The following TENM2 variants were observed in gnomAD, a reference collection of about 807,000 sequenced individuals.
The protein encoded by TENM2 is teneurin-2.
In TENM2, 52 loss-of-function variants were observed where a neutral mutation model predicts 245.2. The ratio of observed to expected loss-of-function variants is 0.21; its 90% CI spans 0.17 to 0.27. TENM2 has a LOEUF of 0.27. Ranked by LOEUF, TENM2 falls within the 10% of genes least tolerant of loss-of-function variation. TENM2 has a pLI of 1.00. For synonymous variants in TENM2, 1,363 were observed against 1,438.9 expected, an observed-to-expected ratio of 0.95 and a Z score of 1.19; for missense variants, 3,046 against 3,666.8, an observed-to-expected ratio of 0.83 and a Z score of 4.37.
the TENM2 span, among the ~76,000 whole-genome samples, chr5:166,979,873 G>T: frequency 1.3e-5 from 2 of 152,030 alleles, no homozygotes; most frequent in East Asian, 3.9e-4. Context: ...CAATTATAGG[G>T]ATTTTTTTTT....
intron 2 of TENM2, among the ~76,000 whole-genome samples, chr5:167,654,883 G>A (rs1477231491): frequency 6.6e-6 from 1 of 152,088 alleles, no homozygotes; most frequent in Non-Finnish European, 1.5e-5. Flanking sequence ...CAGCACAGAT[G>A]TGCTACTTTT....
the TENM2 span, among the ~76,000 whole-genome samples, chr5:167,193,518 A>G: frequency 0.01 from 1,530 of 152,096 alleles, 9 homozygotes; most frequent in Admixed American, 0.016. Flanking sequence ...GGGTGGGGAC[A>G]TTCTTTTCAA....
At chr5:167,761,503 G>GAA (rs202088422) in intron 2 of TENM2, among the ~76,000 whole-genome samples, 1 of 147,688 alleles carries the variant, frequency 6.8e-6, no homozygotes, top group Non-Finnish European at 1.5e-5. Context: ...ACTGCTATTA[G>GAA]AAAAAAAAAA....
intron 2 of TENM2, among the ~76,000 whole-genome samples, chr5:167,859,195 G>A (rs1436088156): frequency 1.4e-5 from 1 of 71,668 alleles, no homozygotes; most frequent in Non-Finnish European, 2.9e-5. Context: ...GTCTCTGCCC[G>A]GCCGCCCCGT....
At chr5:167,389,575 A>G (rs1330782156) in intron 2 of TENM2, among the ~76,000 whole-genome samples, 1 of 152,134 alleles carries the variant, frequency 6.6e-6, no homozygotes, top group Non-Finnish European at 1.5e-5. Flanking sequence ...ACATTTAACT[A>G]ATTTTTATTT....
intron 2 of TENM2, among the ~76,000 whole-genome samples, chr5:167,463,179 G>T (rs1766431833): frequency 6.6e-6 from 1 of 152,136 alleles, no homozygotes; most frequent in African/African-American, 2.4e-5. Flanking sequence ...TTTCAAAACA[G>T]TGAACAATAA....
At chr5:167,532,676 C>T (rs577695850) in intron 2 of TENM2, among the ~76,000 whole-genome samples, 4 of 151,134 alleles carry the variant, frequency 2.6e-5, no homozygotes, top group East Asian at 2.0e-4. Context: ...ACAGCCAAAC[C>T]GTATCTCCTA....
chr5:168,143,971 T>C (rs2152407617), intron 12 of TENM2, among the ~76,000 whole-genome samples: 1 of 148,688 alleles, frequency 6.7e-6, no homozygotes, highest in African/African-American at 2.5e-5. Context: ...TGCCTCAGCC[T>C]CCCGAGTAGC....
At chr5:167,181,263 G>T in the TENM2 span, among the ~76,000 whole-genome samples, 1 of 152,090 alleles carries the variant, frequency 6.6e-6, no homozygotes, top group African/African-American at 2.4e-5. Context: ...GTTTAAGTTT[G>T]TTATAGAAAC....
chr5:167,819,088 G>A (rs917950600), intron 2 of TENM2, among the ~76,000 whole-genome samples: 2 of 151,982 alleles, frequency 1.3e-5, no homozygotes, highest in African/African-American at 4.8e-5. Context: ...GTGTGTGCGT[G>A]CGCGTTCTCT....
intron 2 of TENM2, among the ~76,000 whole-genome samples, chr5:167,567,394 G>A (rs1201239136): frequency 1.3e-5 from 2 of 152,118 alleles, no homozygotes; most frequent in African/African-American, 4.8e-5. Flanking sequence ...CTTCCACAAT[G>A]TTCTTTCATA....
At chr5:168,039,701 G>A (rs1788016571) in intron 5 of TENM2, among the ~76,000 whole-genome samples, 1 of 152,032 alleles carries the variant, frequency 6.6e-6, no homozygotes, top group African/African-American at 2.4e-5. Flanking sequence ...CCAGTCAGGT[G>A]CATTCCTGGC....
At chr5:167,924,618 A>G (rs1777611377) in intron 3 of TENM2, among the ~76,000 whole-genome samples, 1 of 152,226 alleles carries the variant, frequency 6.6e-6, no homozygotes, top group African/African-American at 2.4e-5. Flanking sequence ...AACATCTGAA[A>G]CTTATTTCCC....
intron 1 of TENM2, among the ~76,000 whole-genome samples, chr5:167,362,815 A>AACCCCATT (rs745413111): frequency 3.9e-5 from 6 of 152,226 alleles, no homozygotes; most frequent in Non-Finnish European, 7.4e-5. Context: ...CTGAAAATAG[A>AACCCCATT]ACCCCATTTC....
At chr5:168,079,920 G>A (rs1791830792) in intron 7 of TENM2, among the ~76,000 whole-genome samples, 1 of 152,096 alleles carries the variant, frequency 6.6e-6, no homozygotes, top group Non-Finnish European at 1.5e-5. Flanking sequence ...GCCAGGCTTT[G>A]GTATCAGGAT....
chr5:168,064,609 G>A (rs572890198), intron 7 of TENM2, among the ~76,000 whole-genome samples: 5 of 152,276 alleles, frequency 3.3e-5, no homozygotes, highest in South Asian at 2.1e-4. Context: ...TTGTGGCTAC[G>A]CCACACTGTC....
intron 2 of TENM2, among the ~76,000 whole-genome samples, chr5:167,775,654 CTCTGGGCACATTCTGTGTTCAG>C (rs1356823689): frequency 6.6e-6 from 1 of 152,080 alleles, no homozygotes; most frequent in Admixed American, 6.5e-5. Flanking sequence ...TGAGTACCTA[CTCTGGGCACATTCTGTGTTCAG>C]TGTTCTCGGA....
At chr5:166,996,887 A>T in the TENM2 span, among the ~76,000 whole-genome samples, 1 of 152,212 alleles carries the variant, frequency 6.6e-6, no homozygotes, top group African/African-American at 2.4e-5. Context: ...TCTCTGATCC[A>T]TGAAGGCAAG....
At chr5:167,548,368 A>G (rs1772701462) in intron 2 of TENM2, among the ~76,000 whole-genome samples, 1 of 152,126 alleles carries the variant, frequency 6.6e-6, no homozygotes, top group African/African-American at 2.4e-5. Context: ...CTCTCGTGAG[A>G]AGGAATGTGT....
Sources: allele counts gnomAD v4.1 joint callset (sites outside exome capture counted in the v4.1 genomes callset), GRCh38; gene constraint gnomAD v4.1.1; transcripts MANE v1.5; gene names NCBI Gene and HGNC (gene_info 2026-07-23, HGNC 2026-07-21).